SMPD2: variants seen among roughly 807,000 people sequenced by gnomAD.
The protein encoded by SMPD2 is sphingomyelin phosphodiesterase 2.
SMPD2 carries 35 observed loss-of-function variants against 41.7 expected under a neutral mutation model. The ratio of observed to expected loss-of-function variants is 0.84; its 90% confidence interval spans 0.64 to 1.11. SMPD2 has a LOEUF of 1.11. Among genes scored for constraint, SMPD2 ranks in the 50% most tolerant of loss-of-function variants. The pLI, the probability that SMPD2 is intolerant of heterozygous loss-of-function variation, is 0.00. For missense variants in SMPD2, 520 were observed against 524.8 expected (o/e 0.99, Z 0.09); for synonymous variants, 201 against 208.2 (o/e 0.97, Z 0.30).
chr6:109,441,259 A>G (rs957908526), intron 1 of SMPD2, 88 bp downstream of exon 1: 1 of 1,590,196 alleles, frequency 6.3e-7, no homozygotes, highest in South Asian at 1.1e-5. Flanking sequence ...CCACGATCTC[A>G]GGGTGTAGGG....
intron 5 of SMPD2, 88 bp from the exon 6 acceptor site, chr6:109,442,455 C>A: frequency 1.4e-6 from 2 of 1,396,818 alleles, no homozygotes; most frequent in Non-Finnish European, 2.0e-6. Flanking sequence ...ATACCAAACA[C>A]CATGCCAAGT....
intron 8 of SMPD2, 24 bp from the exon 9 acceptor site, chr6:109,443,243 C>T: frequency 6.2e-7 from 1 of 1,612,572 alleles, no homozygotes; most frequent in Non-Finnish European, 8.5e-7. Flanking sequence ...ATATAAGCTT[C>T]TCTCTGGCCC....
In SMPD2 at chr6:109,443,051, TG is replaced by T; in HGVS notation, c.701del (p.Gly234ValfsTer42). ...AGCAGGAGCTGAAGCCATTTCCCTT[TG>T]GTGTCCGCATTGACTACGTGCTTTA... ...SQQELKPFPFGVRIDYVLYKA... is the reference protein window; with the variant it reads ...SQQELKPFPFXVRIDYVLYKA... On this transcript the variant is annotated frameshift_variant, in exon 8 of 10. Coordinates refer to ENST00000258052, the MANE Select transcript of SMPD2 (RefSeq NM_003080.3). LOFTEE classifies it high-confidence loss of function. 1 of 1,614,202 alleles carries T rather than the reference TG, an allele frequency of 6.2e-7. No individual in the cohort carries two copies. The highest frequency in any genetic ancestry group is 8.5e-7 in the Non-Finnish European group (1 of 1,180,012).
In SMPD2 at chr6:109,440,924, A is replaced by C; in HGVS notation, c.-198A>C. The C allele has an allele frequency of 1.7e-6, 1 of 592,266 alleles. No homozygotes were observed. Among genetic ancestry groups the C allele is most frequent in the Non-Finnish European group, 2.9e-6 (1 of 347,582 alleles). 36.7% of individuals were successfully genotyped at this position (592,266 alleles called of 1,614,324 possible). On this transcript the variant is annotated 5_prime_UTR_variant, in exon 1 of 10. Coordinates refer to ENST00000258052, the MANE Select transcript of SMPD2 (RefSeq NM_003080.3). ...CCTTTCCGGGTTGGCGGCCCGCCTGATTGGGAACAGCCGGCCGGTTGCCGG... is the reference window on the plus strand; with the variant it reads ...CCTTTCCGGGTTGGCGGCCCGCCTGCTTGGGAACAGCCGGCCGGTTGCCGG...
At position 109,442,549 on chromosome 6, in the gene SMPD2, G is replaced by A. The variant is rs777894066; in HGVS notation, c.415G>A (p.Ala139Thr). The change falls in exon 6 of 10, where the codon GCC becomes ACC. Residue 139 changes from alanine (A) to threonine (T), a missense_variant. Physicochemically the swap from Ala to Thr is moderately conservative, Grantham distance 58. Coordinates refer to ENST00000258052, the MANE Select transcript of SMPD2 (RefSeq NM_003080.3). ...VLNAYVTHLH[A>T]EYNRQKDIYL... is the part of the protein sequence containing the mutation. ...TCTCATCTATCTTGCTCAGCTCCATGCCGAATACAATCGACAGAAGGACAT... is the reference window on the plus strand; with the variant it reads ...TCTCATCTATCTTGCTCAGCTCCATACCGAATACAATCGACAGAAGGACAT... 1 of 1,612,514 alleles carries A rather than the reference G, an allele frequency of 6.2e-7. No individual in the cohort carries two copies. Among genetic ancestry groups the A allele is most frequent in the South Asian group, 1.1e-5 (1 of 90,904 alleles).
intron 4 of SMPD2, 46 bp downstream of exon 4, chr6:109,442,113 G>C (rs755722898): frequency 6.3e-7 from 1 of 1,578,812 alleles, no homozygotes; most frequent in South Asian, 1.1e-5. Flanking sequence ...CCCACCTCCA[G>C]TAATACAAGG....
chr6:109,441,634 A>C lies in SMPD2; in HGVS notation c.224+6A>C, dbSNP rs1774891235. 13 of 1,613,854 alleles carry C rather than the reference A, an allele frequency of 8.1e-6. No homozygotes were observed. The highest frequency in any genetic ancestry group is 1.1e-5 in the Non-Finnish European group (13 of 1,179,716). On this transcript the variant is annotated splice_donor_region_variant and intron_variant, in intron 3 of 9. Coordinates refer to ENST00000258052, the MANE Select transcript of SMPD2 (RefSeq NM_003080.3). ...GCTGCACACCACTTCCGGAGGTGAG[A>C]AGCCCACTGGCCTGAAGCCTGTTGT... is the stretch of plus-strand genomic sequence containing the variant.
chr6:109,441,585 C>T lies in SMPD2; in HGVS notation c.181C>T (p.Gln61Ter), dbSNP rs146435492. 3 of 1,614,200 alleles carry T rather than the reference C, an allele frequency of 1.9e-6. No homozygotes were observed. Among genetic ancestry groups the T allele is most frequent in the Non-Finnish European group, 2.5e-6 (3 of 1,180,040 alleles). Reference sequence around the variant, plus strand: ...TGAGCAGGACTTCCAGTACCTGAGACAGAAGCTGTCACCTACCTACCCAGC... The same window carrying T: ...TGAGCAGGACTTCCAGTACCTGAGATAGAAGCTGTCACCTACCTACCCAGC... ...WSEQDFQYLR[Q>*]KLSPTYPAAH... is the part of the protein sequence containing the mutation. The change falls in exon 3 of 10, where the codon CAG becomes TAG. Residue 61 changes from glutamine (Q) to a stop codon, truncating the protein, a stop_gained. Coordinates refer to ENST00000258052, the MANE Select transcript of SMPD2 (RefSeq NM_003080.3). LOFTEE classifies it high-confidence loss of function.
intron 1 of SMPD2, 51 bp from the exon 2 acceptor site, chr6:109,441,306 C>T (rs1394724589): frequency 6.3e-7 from 1 of 1,587,712 alleles, no homozygotes; most frequent in African/African-American, 1.3e-5. Flanking sequence ...CTGGCCCCAG[C>T]GCCGGTGGTC....
intron 8 of SMPD2, 33 bp downstream of exon 8, chr6:109,443,114 G>A: frequency 6.3e-7 from 1 of 1,579,072 alleles, no homozygotes; most frequent in Non-Finnish European, 8.7e-7. Context: ...GCTTTCATAT[G>A]CTGTGTCTCT....
rs375681696 is a variant in SMPD2 at position 109,443,759 on chromosome 6, G to A, written c.1126G>A (p.Val376Ile). 20 of 1,614,170 alleles carry A rather than the reference G, an allele frequency of 1.2e-5. No homozygotes were observed. The highest frequency in any genetic ancestry group is 1.6e-4 in the Middle Eastern group (1 of 6,062). ...LWAGAFYLFH[V>I]QEVNGLYRAQ... ...GGCAGGTGCATTCTACCTCTTCCAC[G>A]TACAGGAGGTCAATGGCTTATATAG... Residue 376 changes from valine to isoleucine, a missense_variant, in exon 10 of 10, where the codon GTA becomes ATA. Physicochemically the swap from Val to Ile is conservative, Grantham distance 29. Transcript: ENST00000258052.
At chr6:109,442,474 C>T (rs901741621) in intron 5 of SMPD2, 69 bp from the exon 6 acceptor site, 336 of 1,453,328 alleles carry the variant, frequency 2.3e-4, no homozygotes, top group African/African-American at 2.8e-5. Context: ...GTGACAGACA[C>T]AGGCTTGATT....
Position 109,440,726 on chromosome 6 carries a change from T to A in SMPD2, c.-396T>A. ...CGGCCCGTGGCGGCTGGGCCTTTCC[T>A]CAACTTTGCGCCTGTTGCTGGGCCG... On this transcript the variant is annotated 5_prime_UTR_variant, in exon 1 of 10. Transcript: ENST00000258052. 5 of 353,980 alleles carry A rather than the reference T, an allele frequency of 1.4e-5. No homozygotes were observed. Among genetic ancestry groups the A allele is most frequent in the Non-Finnish European group, 1.6e-5 (4 of 247,900 alleles). The allele number at this position is 353,980 out of a possible 1,614,324, so 21.9% of individuals were successfully genotyped here.
Position 109,442,458 on chromosome 6 carries a change from T to A in SMPD2, c.409-85T>A. The A allele has an allele frequency of 2.1e-6, 3 of 1,406,814 alleles. No individual in the cohort carries two copies. The South Asian group carries it at 3.7e-5, about 17-fold the overall frequency. The allele number at this position is 1,406,814 out of a possible 1,614,324, so 87.1% of individuals were successfully genotyped here. Reference sequence around the variant, plus strand: ...CTTATCCATTGTATACCAAACACCATGCCAAGTGACAGACACAGGCTTGAT... The same window carrying A: ...CTTATCCATTGTATACCAAACACCAAGCCAAGTGACAGACACAGGCTTGAT... On this transcript the variant is annotated intron_variant, in intron 5 of 9. Transcript: ENST00000258052.
Position 109,443,778 on chromosome 6 carries a change from T to C in SMPD2, c.1145T>C (p.Leu382Ser). The C allele has an allele frequency of 6.2e-7, 1 of 1,614,078 alleles. No homozygotes were observed. The highest frequency in any genetic ancestry group is 8.5e-7 in the Non-Finnish European group (1 of 1,179,990). The change falls in exon 10 of 10, where the codon TTA becomes TCA. Residue 382 changes from leucine to serine, a missense_variant. Coordinates refer to ENST00000258052, the MANE Select transcript of SMPD2 (RefSeq NM_003080.3). The part of the protein sequence containing the change: ...YLFHVQEVNG[L>S]YRAQAELQHV... ...TTCCACGTACAGGAGGTCAATGGCT[T>C]ATATAGGGCCCAGGCTGAGCTCCAG...
At chr6:109,443,446 G>A in intron 9 of SMPD2, 26 bp downstream of exon 9, 2 of 1,611,856 alleles carry the variant, frequency 1.2e-6, no homozygotes, top group South Asian at 1.1e-5. Flanking sequence ...CCTTTCCTTG[G>A]CCCTTGCCCC....
rs1774884505 is a variant in SMPD2, at chr6:109,441,546, C to T, written c.148-6C>T. 2 of 1,613,976 alleles carry T rather than the reference C, an allele frequency of 1.2e-6. No homozygotes were observed. Among genetic ancestry groups the T allele is most frequent in the South Asian group, 1.1e-5 (1 of 91,090 alleles). ...ACCAAGCAGGCATCCTCACCGCTTC[C>T]CTCAGGTGTGGAGTGAGCAGGACTT... On this transcript the variant is annotated splice_polypyrimidine_tract_variant and splice_region_variant and intron_variant, in intron 2 of 9. Coordinates refer to ENST00000258052, the MANE Select transcript of SMPD2 (RefSeq NM_003080.3).
At position 109,442,041 on chromosome 6, in the gene SMPD2, T is replaced by A; in HGVS notation, c.292T>A (p.Tyr98Asn). 4 of 1,613,832 alleles carry A rather than the reference T, an allele frequency of 2.5e-6. No homozygotes were observed. The highest frequency in any genetic ancestry group is 2.5e-6 in the Non-Finnish European group (3 of 1,179,664). Residue 98 changes from tyrosine (Y) to asparagine (N), a missense_variant, in exon 4 of 10, where the codon TAC (tyrosine) becomes AAC (asparagine). Tyr to Asn is a moderately radical substitution (Grantham distance 143, BLOSUM62 -2). Coordinates refer to ENST00000258052, the MANE Select transcript of SMPD2 (RefSeq NM_003080.3). ...AATCCAGGAGCTTACCCAGCACATC[T>A]ACACTCTCAATGGCTACCCCTACAT... Reference protein sequence around the residue: ...HPIQELTQHIYTLNGYPYMIH... With the variant: ...HPIQELTQHINTLNGYPYMIH...
chr6:109,442,757 C>G lies in SMPD2; in HGVS notation c.497C>G (p.Thr166Arg), dbSNP rs772782363. ...CACCAACCTGGTTCCCCCAGCCACA[C>G]ATCCAAGAAGGCAGACGTGGTTCTG... ...AWELAQFIHH[T>R]SKKADVVLLC... Residue 166 changes from threonine to arginine, a missense_variant, in exon 7 of 10, where the codon ACA becomes AGA. Coordinates refer to ENST00000258052, the MANE Select transcript of SMPD2 (RefSeq NM_003080.3). The G allele has an allele frequency of 2.8e-5, 45 of 1,614,126 alleles. No individual in the cohort carries two copies. The highest frequency in any genetic ancestry group is 3.6e-5 in the Non-Finnish European group (43 of 1,180,020).
Sources: gnomAD v4.1 joint callset for allele counts on GRCh38, gnomAD v4.1.1 for gene constraint, MANE v1.5 for transcripts, NCBI Gene and HGNC (gene_info 2026-07-23, HGNC 2026-07-21) for gene names.